Variants in JRK observed in about 807,000 individuals in gnomAD.
The protein encoded by JRK is Jrk helix-turn-helix protein.
For missense variants in JRK, 720 were observed against 509.2 expected (o/e 1.41, Z -3.98); for synonymous variants, 303 against 218.1 (o/e 1.39, Z -3.43).
At position 142,659,709 on chromosome 8, in the gene JRK, CCT is replaced by C. The variant is rs1325491004; in HGVS notation, c.*4641_*4642del. The C allele has an allele frequency of 4.1e-6, 4 of 985,414 alleles. No homozygotes were observed. In the African/African-American group the frequency reaches 5.2e-5, roughly 13 times the overall value. The allele number at this position is 985,414 out of a possible 1,614,324, so 61.0% of individuals were successfully genotyped here. A position where few individuals can be genotyped will look rare whatever the true frequency, so the allele number is the denominator to read the frequency against. On this transcript the variant is annotated 3_prime_UTR_variant, in exon 2 of 2. Coordinates refer to ENST00000612905, the MANE Select transcript of JRK (RefSeq NM_003724.4). ...AACAGTTGGTAAAGGAGTGTTTTCA[CCT>C]CTGTTTACAGTTGAGTGCACTGCTC... is the stretch of plus-strand genomic sequence containing the variant.
intron 1 of JRK, among the ~76,000 whole-genome samples, chr8:142,669,203 T>TGC (rs1267961022): frequency 4.4e-5 from 4 of 91,842 alleles, no homozygotes; most frequent in Non-Finnish European, 6.6e-5. Context: ...TGTGTGTGCG[T>TGC]GTGTGTGTTG....
At position 142,659,697 on chromosome 8, in the gene JRK, G is replaced by A; in HGVS notation, c.*4655C>T. ...AGTGGCCCCTAAAACAGTTGGTAAA[G>A]GAGTGTTTTCACCTCTGTTTACAGT... On this transcript the variant is annotated 3_prime_UTR_variant, in exon 2 of 2. Coordinates refer to ENST00000612905, the MANE Select transcript of JRK (RefSeq NM_003724.4). 1.1e-5 allele frequency: 11 copies of A among 985,514 alleles called. No individual in the cohort carries two copies. Among genetic ancestry groups the A allele is most frequent in the Non-Finnish European group, 1.1e-5 (9 of 829,972 alleles). The allele number at this position is 985,514 out of a possible 1,614,324, so 61.0% of individuals were successfully genotyped here.
chr8:142,644,638 A>G, the JRK span, among the ~76,000 whole-genome samples: 11 of 152,216 alleles, frequency 7.2e-5, no homozygotes, highest in Non-Finnish European at 1.6e-4. Context: ...AACACTTGAT[A>G]TCACAGGTTA....
In JRK at chr8:142,666,355, C is replaced by G. The variant is rs1207620555; in HGVS notation, c.-297G>C. ...GTGGAGGAGGTGACCCTGTCAGACT[C>G]CCCTCTGCTGCTCCACACGGCTGGA... is the stretch of plus-strand genomic sequence containing the variant. On this transcript the variant is annotated 5_prime_UTR_variant, in exon 2 of 2. Transcript: ENST00000612905. 4 of 514,336 alleles carry G rather than the reference C, an allele frequency of 7.8e-6. No homozygotes were observed. 31.9% of individuals were successfully genotyped at this position (514,336 alleles called of 1,614,324 possible). A position where few individuals can be genotyped will look rare whatever the true frequency, so the allele number is the denominator to read the frequency against.
At position 142,662,161 on chromosome 8, in the gene JRK, G is replaced by A. The variant is rs957022593; in HGVS notation, c.*2191C>T. On this transcript the variant is annotated 3_prime_UTR_variant, in exon 2 of 2. Transcript: ENST00000612905. Reference sequence around the variant, plus strand: ...ACACAGCCACTCACTGGGGACAAGCGCCTACCCATCAGCCCAGCACAGTCA... The same window carrying A: ...ACACAGCCACTCACTGGGGACAAGCACCTACCCATCAGCCCAGCACAGTCA... 3 of 985,976 alleles carry A rather than the reference G, an allele frequency of 3.0e-6. No individual in the cohort carries two copies. Among genetic ancestry groups the A allele is most frequent in the Non-Finnish European group, 3.6e-6 (3 of 830,500 alleles). 61.1% of individuals were successfully genotyped at this position (985,976 alleles called of 1,614,324 possible).
the JRK span, among the ~76,000 whole-genome samples, chr8:142,645,338 A>C: frequency 3.3e-5 from 5 of 152,188 alleles, no homozygotes; most frequent in Non-Finnish European, 7.3e-5. Flanking sequence ...CCAAAACAAT[A>C]ATAGTGTAAC....
chr8:142,649,292 T>G, the JRK span, among the ~76,000 whole-genome samples: 4 of 152,164 alleles, frequency 2.6e-5, no homozygotes, highest in Non-Finnish European at 5.9e-5. Context: ...AAGGGCAGAA[T>G]GATAGGGTTT....
chr8:142,666,671 G>C (rs1398851374), intron 1 of JRK, among the ~76,000 whole-genome samples, 151 bp from the exon 2 acceptor site: 4 of 152,216 alleles, frequency 2.6e-5, no homozygotes, highest in Non-Finnish European at 5.9e-5. Flanking sequence ...TGTGGGGAGA[G>C]GGTGGCCCCG....
At position 142,663,247 on chromosome 8, in the gene JRK, C is replaced by T. The variant is rs370947982; in HGVS notation, c.*1105G>A. ...GGCGTTCTGGAATCTCAGCTGCAGGCAGTGAGTGTTGCCCGTGAAATGGAG... is the reference window on the plus strand; with the variant it reads ...GGCGTTCTGGAATCTCAGCTGCAGGTAGTGAGTGTTGCCCGTGAAATGGAG... On this transcript the variant is annotated 3_prime_UTR_variant, in exon 2 of 2. Transcript: ENST00000612905. 1.0e-5 allele frequency: 10 copies of T among 985,468 alleles called. No homozygotes were observed. The highest frequency in any genetic ancestry group is 1.1e-5 in the Non-Finnish European group (9 of 829,946). 61.0% of individuals were successfully genotyped at this position (985,468 alleles called of 1,614,324 possible).
At chr8:142,644,874 A>C in the JRK span, among the ~76,000 whole-genome samples, 1 of 152,224 alleles carries the variant, frequency 6.6e-6, no homozygotes, top group Non-Finnish European at 1.5e-5. Context: ...TTATAGCCTT[A>C]ATTTATTAAG....
Position 142,663,662 on chromosome 8 carries a change from CA to C in JRK, c.*689del. 1 of 985,494 alleles carries C rather than the reference CA, an allele frequency of 1.0e-6. No individual in the cohort carries two copies. Among genetic ancestry groups the C allele is most frequent in the Non-Finnish European group, 1.2e-6 (1 of 829,956 alleles). 61.0% of individuals were successfully genotyped at this position (985,494 alleles called of 1,614,324 possible). A position where few individuals can be genotyped will look rare whatever the true frequency, so the allele number is the denominator to read the frequency against. On this transcript the variant is annotated 3_prime_UTR_variant, in exon 2 of 2. Coordinates refer to ENST00000612905, the MANE Select transcript of JRK (RefSeq NM_003724.4). ...TTCCCAGAAAGGAACTCTACCAAGTCAACTCTCCGTGGGGCCCCCCAACATC... is the reference window on the plus strand; with the variant it reads ...TTCCCAGAAAGGAACTCTACCAAGTCACTCTCCGTGGGGCCCCCCAACATC...
At position 142,660,408 on chromosome 8, in the gene JRK, AT is replaced by A; in HGVS notation, c.*3943del. On this transcript the variant is annotated 3_prime_UTR_variant, in exon 2 of 2. Transcript: ENST00000612905. Reference sequence around the variant, plus strand: ...ACCTGACCCCAAAGCACATTTTGTTATTTTTTGTTTTTAGAGATTAGGTCTC... The same window carrying A: ...ACCTGACCCCAAAGCACATTTTGTTATTTTTGTTTTTAGAGATTAGGTCTC... The A allele has an allele frequency of 1.0e-6, 1 of 985,332 alleles. No individual in the cohort carries two copies. Among genetic ancestry groups the A allele is most frequent in the Non-Finnish European group, 1.2e-6 (1 of 830,006 alleles). 61.0% of individuals were successfully genotyped at this position (985,332 alleles called of 1,614,324 possible).
rs1846940605 is a variant in JRK at position 142,662,274 on chromosome 8, G to A, written c.*2078C>T. The A allele has an allele frequency of 1.0e-6, 1 of 985,588 alleles. No individual in the cohort carries two copies. Among genetic ancestry groups the A allele is most frequent in the South Asian group, 4.7e-5 (1 of 21,290 alleles). 61.1% of individuals were successfully genotyped at this position (985,588 alleles called of 1,614,324 possible). ...CAAGCCATGTCCAGAGGACTCAGGA[G>A]AGCCAGCCAGGAGCTCGGCCAGCTG... On this transcript the variant is annotated 3_prime_UTR_variant, in exon 2 of 2. Transcript: ENST00000612905.
downstream of JRK, among the ~76,000 whole-genome samples, chr8:142,653,521 G>A (rs587759997): frequency 1.2e-4 from 19 of 152,002 alleles, no homozygotes; most frequent in African/African-American, 3.6e-4. Context: ...CCACAGGGAC[G>A]TGCCACCACT....
rs1554636061 is a variant in JRK at position 142,666,076 on chromosome 8, C to T, written c.-18G>A. The T allele has an allele frequency of 1.3e-6, 2 of 1,599,548 alleles. No individual in the cohort carries two copies. Among genetic ancestry groups the T allele is most frequent in the South Asian group, 2.3e-5 (2 of 88,782 alleles). On this transcript the variant is annotated 5_prime_UTR_variant, in exon 2 of 2. Coordinates refer to ENST00000612905, the MANE Select transcript of JRK (RefSeq NM_003724.4). ...GAGGCCATGGGGAGGGGTGGCTGGT[C>T]CTAGCACTTGCAGGACACACGCCTG...
chr8:142,658,724 A>C lies in JRK; in HGVS notation c.*5628T>G. 1.4e-6 allele frequency: 2 copies of C among 1,430,176 alleles called. No homozygotes were observed. Among genetic ancestry groups the C allele is most frequent in the Non-Finnish European group, 1.8e-6 (2 of 1,084,158 alleles). 88.6% of individuals were successfully genotyped at this position (1,430,176 alleles called of 1,614,324 possible). On this transcript the variant is annotated 3_prime_UTR_variant, in exon 2 of 2. Coordinates refer to ENST00000612905, the MANE Select transcript of JRK (RefSeq NM_003724.4). ...CATATAAACTTTGGGGGGGGACACA[A>C]ACATGCAGTCCTTAACACCATCGTC...
chr8:142,658,610 G>A lies in JRK; in HGVS notation c.*5742C>T, dbSNP rs955346420. On this transcript the variant is annotated 3_prime_UTR_variant, in exon 2 of 2. Coordinates refer to ENST00000612905, the MANE Select transcript of JRK (RefSeq NM_003724.4). ...CTTATAAGGACTCGATCTCATCGGC[G>A]AGCCCCACCCTCACGATCTCACCTA... 15 of 399,884 alleles carry A rather than the reference G, an allele frequency of 3.8e-5. No individual in the cohort carries two copies. Among genetic ancestry groups the A allele is most frequent in the South Asian group, 1.2e-4 (3 of 24,402 alleles). 24.8% of individuals were successfully genotyped at this position (399,884 alleles called of 1,614,324 possible).
At chr8:142,646,499 G>T in the JRK span, among the ~76,000 whole-genome samples, 3 of 152,110 alleles carry the variant, frequency 2.0e-5, no homozygotes, top group African/African-American at 7.2e-5. Flanking sequence ...CATTGTTTTG[G>T]GCTTGGTTTA....
chr8:142,650,477 T>C, the JRK span, among the ~76,000 whole-genome samples: 6 of 152,234 alleles, frequency 3.9e-5, no homozygotes, highest in Non-Finnish European at 7.3e-5. Context: ...CCACATGTCG[T>C]TGGAGGAACC....
Sources: gnomAD v4.1 joint callset for allele counts (sites outside exome capture counted in the v4.1 genomes callset) on GRCh38, gnomAD v4.1.1 for gene constraint, MANE v1.5 for transcripts, NCBI Gene and HGNC (gene_info 2026-07-23, HGNC 2026-07-21) for gene names.